The following STPG2 variants were observed in gnomAD, a reference collection of about 807,000 sequenced individuals.
STPG2 encodes the protein sperm tail PG-rich repeat containing 2, also known as sperm-tail PG-rich repeat-containing protein 2.
In STPG2, 56 loss-of-function variants were observed where a neutral mutation model predicts 54.2. That is an observed-to-expected ratio of 1.03 (90% CI 0.83 to 1.29). The LOEUF (loss-of-function observed/expected upper bound fraction) is 1.29, where lower values mean the gene tolerates loss of function less well. Ranked by LOEUF, STPG2 falls within the 50% of genes most tolerant of loss-of-function variation. STPG2 has a pLI of 0.00. For missense variants in STPG2, 596 were observed against 544.9 expected, an observed-to-expected ratio of 1.09 and a Z score of -0.93; for synonymous variants, 200 against 181.8, an observed-to-expected ratio of 1.10 and a Z score of -0.81.
At chr4:98,034,818 G>T (rs1736719980) in intron 5 of STPG2, among the ~76,000 whole-genome samples, 1 of 152,080 alleles carries the variant, frequency 6.6e-6, no homozygotes, top group South Asian at 2.1e-4. Flanking sequence ...TCTGATCTTT[G>T]ACAAACCTGA....
intron 10 of STPG2, among the ~76,000 whole-genome samples, chr4:97,657,535 T>A (rs1306420301): frequency 6.6e-6 from 1 of 152,182 alleles, no homozygotes; most frequent in Admixed American, 6.5e-5. Flanking sequence ...CCACTTGTAA[T>A]CCCCACACAG....
chr4:97,681,260 T>A (rs1333108155), intron 10 of STPG2, among the ~76,000 whole-genome samples: 2 of 151,892 alleles, frequency 1.3e-5, no homozygotes, highest in Non-Finnish European at 1.5e-5. Flanking sequence ...AAATTAGTAG[T>A]AACTCTGACC....
At chr4:98,061,953 C>A (rs542436463) in intron 5 of STPG2, among the ~76,000 whole-genome samples, 2 of 152,204 alleles carry the variant, frequency 1.3e-5, no homozygotes, top group South Asian at 4.1e-4. Context: ...TAAGTATATA[C>A]CCAGAGGAAT....
At chr4:98,100,329 TTAGA>T (rs1210281577) in intron 5 of STPG2, among the ~76,000 whole-genome samples, 1 of 152,176 alleles carries the variant, frequency 6.6e-6, no homozygotes, top group East Asian at 1.9e-4. Flanking sequence ...ATTGAGGATG[TTAGA>T]TAAATATATC....
intron 6 of STPG2, among the ~76,000 whole-genome samples, chr4:97,974,608 T>C (rs1734442819): frequency 6.6e-6 from 1 of 152,078 alleles, no homozygotes; most frequent in Non-Finnish European, 1.5e-5. Context: ...TCCCGTGTTG[T>C]TCTCATGATA....
chr4:97,630,784 TG>T (rs1235555410), intron 10 of STPG2, among the ~76,000 whole-genome samples: 1 of 151,872 alleles, frequency 6.6e-6, no homozygotes, highest in Non-Finnish European at 1.5e-5. Context: ...TTCTCATGTT[TG>T]TTTTTTTAAT....
chr4:98,086,886 C>T (rs1189938460), intron 5 of STPG2, among the ~76,000 whole-genome samples: 1 of 152,090 alleles, frequency 6.6e-6, no homozygotes, highest in Non-Finnish European at 1.5e-5. Context: ...CCAAACAATC[C>T]AGATACTTTC....
At chr4:97,449,199 A>T (rs991688384) in intron 4 of STPG2, among the ~76,000 whole-genome samples, 2 of 152,086 alleles carry the variant, frequency 1.3e-5, no homozygotes, top group South Asian at 2.1e-4. Flanking sequence ...AATTTCTTTT[A>T]AAAAAAGCAA....
At chr4:97,974,300 C>T (rs565855268) in intron 6 of STPG2, among the ~76,000 whole-genome samples, 11 of 152,250 alleles carry the variant, frequency 7.2e-5, no homozygotes, top group Admixed American at 5.2e-4. Flanking sequence ...TAGGAAGTAA[C>T]TAACTTGCTT....
At chr4:97,810,189 G>C (rs1387602926) in intron 9 of STPG2, among the ~76,000 whole-genome samples, 2 of 152,070 alleles carry the variant, frequency 1.3e-5, no homozygotes, top group East Asian at 3.9e-4. Context: ...AAGCAAGCCG[G>C]GCAGGGTGGC....
At chr4:97,695,748 A>G (rs1387295772) in intron 10 of STPG2, among the ~76,000 whole-genome samples, 1 of 151,702 alleles carries the variant, frequency 6.6e-6, no homozygotes, top group East Asian at 1.9e-4. Context: ...CTTTTAAAAC[A>G]GATGGAAAAA....
At chr4:97,849,293 G>A (rs1378484476) in intron 8 of STPG2, among the ~76,000 whole-genome samples, 2 of 149,950 alleles carry the variant, frequency 1.3e-5, no homozygotes, top group African/African-American at 2.4e-5. Flanking sequence ...ATGATTAAAC[G>A]TTAGACCTAA....
intron 6 of STPG2, among the ~76,000 whole-genome samples, chr4:97,977,054 T>G (rs1734522242): frequency 6.6e-6 from 1 of 152,164 alleles, no homozygotes; most frequent in African/African-American, 2.4e-5. Flanking sequence ...TAACTTTTGT[T>G]CCTCTGATTA....
intron 7 of STPG2, among the ~76,000 whole-genome samples, chr4:97,971,798 GA>G (rs970854619): frequency 2.0e-5 from 3 of 151,078 alleles, no homozygotes; most frequent in East Asian, 1.9e-4. Flanking sequence ...AAAGTATAAT[GA>G]AAAAAAATAA....
At chr4:97,554,726 T>C (rs1008819478), downstream of STPG2, among the ~76,000 whole-genome samples, 4 of 152,192 alleles carry the variant, frequency 2.6e-5, no homozygotes, top group African/African-American at 9.7e-5. Flanking sequence ...CTATTAATAC[T>C]ATAAATAGTT....
intron 9 of STPG2, among the ~76,000 whole-genome samples, chr4:97,790,065 A>T (rs1726945367): frequency 6.6e-6 from 1 of 152,130 alleles, no homozygotes; most frequent in Admixed American, 6.6e-5. Context: ...CTTTACAGTA[A>T]CTTGTGACTT....
rs1729949836 is a variant in STPG2 at position 97,870,621 on chromosome 4, T to C, written c.1045-29689A>G. On this transcript the variant is annotated intron_variant, in intron 8 of 10. Transcript: ENST00000295268. ...GCTAAAAGGCAATCTACTATGAAGA[T>C]ATAAAACTATGACTTCATGTATTAA... is the stretch of plus-strand genomic sequence containing the variant. Among the ~76,000 whole-genome samples the C allele has an allele frequency of 2.0e-5, 3 of 151,520 alleles. No individual in the cohort carries two copies. The Admixed American group carries it at 2.0e-4, about 10-fold the overall frequency.
At chr4:97,869,501 A>C (rs1190555781) in intron 8 of STPG2, among the ~76,000 whole-genome samples, 1 of 151,726 alleles carries the variant, frequency 6.6e-6, no homozygotes. Context: ...TAGATTTTTA[A>C]AAAATATTTA....
intron 5 of STPG2, among the ~76,000 whole-genome samples, chr4:98,012,460 A>T (rs974029563): frequency 6.6e-6 from 1 of 152,196 alleles, no homozygotes; most frequent in Non-Finnish European, 1.5e-5. Context: ...CATGGAGTTT[A>T]AAGTAGTTTT....
Sources: gnomAD v4.1 joint callset for allele counts (sites outside exome capture counted in the v4.1 genomes callset) on GRCh38, gnomAD v4.1.1 for gene constraint, MANE v1.5 for transcripts, NCBI Gene and HGNC (gene_info 2026-07-23, HGNC 2026-07-21) for gene names.